Variants in PROS1 observed in about 807,000 individuals in gnomAD.
PROS1 encodes the protein protein S.
PROS1 carries 29 observed loss-of-function variants against 75.9 expected under a neutral mutation model. The ratio of observed to expected loss-of-function variants is 0.38; its 90% confidence interval spans 0.28 to 0.52. The LOEUF (loss-of-function observed/expected upper bound fraction) is 0.52. Among genes scored for constraint, PROS1 ranks in the 20% least tolerant of loss-of-function variants. PROS1 has a pLI of 0.83. For synonymous variants in PROS1, 245 were observed against 280.6 expected, an observed-to-expected ratio of 0.87 and a Z score of 1.27; for missense variants, 680 against 810.3, an observed-to-expected ratio of 0.84 and a Z score of 1.95.
At chr3:93,891,616 G>A (rs9848207) in intron 10 of PROS1, among the ~76,000 whole-genome samples, 1 of 152,070 alleles carries the variant, frequency 6.6e-6, no homozygotes, top group Non-Finnish European at 1.5e-5. Context: ...CGCCATGTTG[G>A]TCAGGCTGCT....
At chr3:93,933,935 G>A (rs1452305528) in intron 1 of PROS1, among the ~76,000 whole-genome samples, 1 of 151,442 alleles carries the variant, frequency 6.6e-6, no homozygotes, top group East Asian at 2.0e-4. Flanking sequence ...CTTGAACCCA[G>A]GAGGCGGAGG....
intron 1 of PROS1, among the ~76,000 whole-genome samples, chr3:93,943,002 C>T (rs900148342): frequency 3.9e-5 from 6 of 152,146 alleles, no homozygotes; most frequent in African/African-American, 1.4e-4. Context: ...CCCTCAGGGT[C>T]TGAGAAGTCC....
At chr3:93,948,980 A>G (rs961765125) in intron 1 of PROS1, among the ~76,000 whole-genome samples, 6 of 152,196 alleles carry the variant, frequency 3.9e-5, no homozygotes, top group African/African-American at 1.4e-4. Flanking sequence ...CCAGAGAAAT[A>G]AAAACATTGC....
rs540261676 is a variant in PROS1 at position 93,911,353 on chromosome 3, C to T, written c.260-648G>A. On this transcript the variant is annotated intron_variant, in intron 3 of 14. Transcript: ENST00000394236. ...GTGACTTTAACGTAACTAGGAGTTA[C>T]TTAGTGCCAAAAATATATTTCTTAA... 2.5e-4 allele frequency among the ~76,000 whole-genome samples: 38 copies of T among 152,270 alleles called. 1 individual carries two copies. Among genetic ancestry groups the T allele is most frequent in the South Asian group, 2.1e-3 (10 of 4,824 alleles).
At chr3:93,927,997 A>G (rs1469774511) in intron 1 of PROS1, among the ~76,000 whole-genome samples, 3 of 18,570 alleles carry the variant, frequency 1.6e-4, no homozygotes, top group African/African-American at 6.2e-4. Context: ...GTGTGTGTAT[A>G]TATATATATA....
At chr3:93,968,439 T>C (rs1709822102) in intron 1 of PROS1, among the ~76,000 whole-genome samples, 1 of 152,222 alleles carries the variant, frequency 6.6e-6, no homozygotes, top group South Asian at 2.1e-4. Flanking sequence ...CCAACCTTCC[T>C]GATACCTTGA....
chr3:93,973,084 G>A (rs1435275150), intron 1 of PROS1, among the ~76,000 whole-genome samples: 1 of 152,062 alleles, frequency 6.6e-6, no homozygotes, highest in Non-Finnish European at 1.5e-5. Context: ...AAAATCCTCA[G>A]TACAAACGAT....
intron 1 of PROS1, among the ~76,000 whole-genome samples, chr3:93,942,847 GC>G (rs1274074515): frequency 6.6e-6 from 1 of 151,910 alleles, no homozygotes; most frequent in Non-Finnish European, 1.5e-5. Flanking sequence ...GATTACTCAG[GC>G]CCCCTCCCTT....
At chr3:93,884,695 T>C (rs755163734) in intron 12 of PROS1, 33 bp downstream of exon 12, 5 of 1,576,774 alleles carry the variant, frequency 3.2e-6, no homozygotes, top group Non-Finnish European at 3.5e-6. Context: ...TACTCATTAA[T>C]GAGAAAATAG....
At chr3:93,886,621 T>C in intron 10 of PROS1, 118 bp from the exon 11 acceptor site, 1 of 783,362 alleles carries the variant, frequency 1.3e-6, no homozygotes, top group Admixed American at 2.6e-5. Context: ...GTAATCATTT[T>C]AATGTAATTA....
At chr3:93,948,306 G>GAA (rs1489894807) in intron 1 of PROS1, among the ~76,000 whole-genome samples, 4 of 151,970 alleles carry the variant, frequency 2.6e-5, no homozygotes, top group Admixed American at 1.3e-4. Context: ...GCAATGAAAA[G>GAA]AAAAAAATTG....
intron 1 of PROS1, among the ~76,000 whole-genome samples, chr3:93,957,373 C>T (rs937847486): frequency 6.6e-6 from 1 of 152,086 alleles, no homozygotes. Flanking sequence ...TTTTTTATTG[C>T]ATATCTGTAT....
At chr3:93,971,322 C>T (rs1709877736) in intron 1 of PROS1, among the ~76,000 whole-genome samples, 1 of 150,734 alleles carries the variant, frequency 6.6e-6, no homozygotes, top group African/African-American at 2.4e-5. Context: ...CACTCCTGCA[C>T]TCCAGCCTGG....
intron 6 of PROS1, among the ~76,000 whole-genome samples, chr3:93,903,594 G>T (rs1433727555): frequency 6.6e-6 from 1 of 152,082 alleles, no homozygotes; most frequent in Non-Finnish European, 1.5e-5. Flanking sequence ...CTCCCAGGAG[G>T]TTGAGGCTGT....
At chr3:93,952,740 G>A (rs1709524246) in intron 1 of PROS1, among the ~76,000 whole-genome samples, 1 of 152,160 alleles carries the variant, frequency 6.6e-6, no homozygotes, top group Non-Finnish European at 1.5e-5. Flanking sequence ...GAGCAGAACT[G>A]AAGGAGATAG....
At chr3:93,946,239 T>G (rs1221220721) in intron 1 of PROS1, among the ~76,000 whole-genome samples, 1 of 152,166 alleles carries the variant, frequency 6.6e-6, no homozygotes, top group East Asian at 1.9e-4. Context: ...CCCAAGGTAA[T>G]TTATGGATTC....
At chr3:93,891,849 G>A (rs1708435012) in intron 10 of PROS1, among the ~76,000 whole-genome samples, 2 of 151,966 alleles carry the variant, frequency 1.3e-5, no homozygotes, top group Admixed American at 1.3e-4. Context: ...GATTCCTTGA[G>A]TTCAAGACCA....
intron 3 of PROS1, among the ~76,000 whole-genome samples, chr3:93,911,343 C>T (rs1708757505): frequency 6.6e-6 from 1 of 152,136 alleles, no homozygotes; most frequent in African/African-American, 2.4e-5. Context: ...TTTAACGTAA[C>T]TAGGAGTTAC....
intron 1 of PROS1, among the ~76,000 whole-genome samples, chr3:93,954,442 C>CT (rs1051091705): frequency 5.3e-5 from 8 of 152,294 alleles, no homozygotes; most frequent in South Asian, 2.1e-4. Flanking sequence ...ACCACCTGAT[C>CT]TTTGACAAAC....
Sources: allele counts gnomAD v4.1 joint callset (sites outside exome capture counted in the v4.1 genomes callset), GRCh38; gene constraint gnomAD v4.1.1; transcripts MANE v1.5; gene names NCBI Gene and HGNC (gene_info 2026-07-23, HGNC 2026-07-21).